CCDC141: variants seen among roughly 807,000 people sequenced by gnomAD.
CCDC141 encodes coiled-coil domain containing 141.
Under a neutral mutation model 181.0 loss-of-function variants are expected in CCDC141, and 168 were observed. The observed-to-expected ratio is 0.93, with a 90% CI of 0.82 to 1.05. CCDC141 has a LOEUF of 1.05. CCDC141 is among the 50% of genes least tolerant of loss of function. The pLI is 0.00. For synonymous variants in CCDC141, 666 were observed against 642.3 expected, an observed-to-expected ratio of 1.04 and a Z score of -0.56; for missense variants, 1,902 against 1,788.5, an observed-to-expected ratio of 1.06 and a Z score of -1.14.
At chr2:178,961,121 A>G in intron 5 of CCDC141, 109 bp downstream of exon 5, 2 of 1,248,752 alleles carry the variant, frequency 1.6e-6, no homozygotes. Context: ...TGGACCAAAG[A>G]CCAAAAGATT....
At chr2:178,882,189 T>C (rs1163770450) in intron 11 of CCDC141, among the ~76,000 whole-genome samples, 1 of 151,914 alleles carries the variant, frequency 6.6e-6, no homozygotes, top group Non-Finnish European at 1.5e-5. Context: ...CTGACCAACA[T>C]GGAGAAACCC....
rs2042416521 is a variant in CCDC141 at position 179,015,105 on chromosome 2, A to ACATATATATATAT, written c.225+32178_225+32179insATATATATATATG. Among the ~76,000 whole-genome samples the ACATATATATATAT allele has an allele frequency of 1.5e-3, 33 of 21,360 alleles. 1 individual carries two copies. The highest frequency in any genetic ancestry group is 3.4e-3 in the African/African-American group (31 of 9,000). The allele number at this position is 21,360 out of a possible 152,430, so 14.0% of individuals were successfully genotyped here. On this transcript the variant is annotated intron_variant, in intron 2 of 23. Transcript: ENST00000443758. ...ATATATATATATATATATATATATAATATATATATAATCATATATATATAT... is the reference window on the plus strand; with the variant it reads ...ATATATATATATATATATATATATAACATATATATATATTATATATATAATCATATATATATAT...
intron 2 of CCDC141, among the ~76,000 whole-genome samples, chr2:179,013,527 T>C (rs889100811): frequency 6.6e-6 from 1 of 152,008 alleles, no homozygotes; most frequent in Admixed American, 6.5e-5. Flanking sequence ...ATTGTGAAAA[T>C]GATCATACTG....
At chr2:178,900,055 T>C (rs1159252922) in intron 8 of CCDC141, among the ~76,000 whole-genome samples, 1 of 152,182 alleles carries the variant, frequency 6.6e-6, no homozygotes, top group Non-Finnish European at 1.5e-5. Context: ...GAAACAATTT[T>C]ATTTTATCTT....
At chr2:178,960,456 CAGG>C (rs1048132365) in intron 5 of CCDC141, among the ~76,000 whole-genome samples, 8 of 152,082 alleles carry the variant, frequency 5.3e-5, no homozygotes, top group African/African-American at 7.2e-5. Flanking sequence ...GTATCTAGGC[CAGG>C]AGACCTCCCT....
chr2:178,984,256 A>G (rs1352471427), intron 2 of CCDC141, among the ~76,000 whole-genome samples: 1 of 149,430 alleles, frequency 6.7e-6, no homozygotes, highest in Non-Finnish European at 1.5e-5. Context: ...TTTACAGACA[A>G]GCAAATGCTG....
At chr2:179,043,627 C>T (rs1009847779) in intron 2 of CCDC141, among the ~76,000 whole-genome samples, 10 of 152,116 alleles carry the variant, frequency 6.6e-5, no homozygotes, top group African/African-American at 1.4e-4. Flanking sequence ...ATTCAACATC[C>T]CTTCATGTTA....
rs540080617 is a variant in CCDC141 at position 178,832,165 on chromosome 2, T to C, written c.*2008A>G. 5.3e-5 allele frequency: 8 copies of C among 152,268 alleles called. No homozygotes were observed. The highest frequency in any genetic ancestry group is 1.9e-4 in the African/African-American group (8 of 41,570). The allele number at this position is 152,268 out of a possible 1,614,324, so 9.4% of individuals were successfully genotyped here. On this transcript the variant is annotated 3_prime_UTR_variant, in exon 24 of 24. Transcript: ENST00000443758. ...ATGAATAGGTTTTTACTCTTTAGCT[T>C]CAACGTGGGCAACAGCAGTTAGGCA...
intron 2 of CCDC141, among the ~76,000 whole-genome samples, chr2:178,993,425 C>T (rs966917614): frequency 2.0e-5 from 3 of 152,090 alleles, no homozygotes; most frequent in Non-Finnish European, 4.4e-5. Context: ...ACGGAAACTC[C>T]CATTTTTAAA....
chr2:178,900,580 T>A (rs1316202429), intron 8 of CCDC141, among the ~76,000 whole-genome samples: 1 of 152,158 alleles, frequency 6.6e-6, no homozygotes, highest in Non-Finnish European at 1.5e-5. Context: ...AATAAACGTA[T>A]CAGCCATTAC....
chr2:178,982,541 C>T (rs954127290), intron 2 of CCDC141, among the ~76,000 whole-genome samples: 1 of 152,210 alleles, frequency 6.6e-6, no homozygotes. Flanking sequence ...TTCTGCATTT[C>T]CATCTGAGGT....
At position 179,011,277 on chromosome 2, in the gene CCDC141, A is replaced by C. The variant is rs186351745; in HGVS notation, c.226-32602T>G. 6.0e-4 allele frequency among the ~76,000 whole-genome samples: 91 copies of C among 152,320 alleles called. 1 individual carries two copies. Among genetic ancestry groups the C allele is most frequent in the African/African-American group, 2.0e-3 (85 of 41,590 alleles). On this transcript the variant is annotated intron_variant, in intron 2 of 23. Transcript: ENST00000443758. The stretch of plus-strand genomic sequence containing the variant: ...CACGTAAACTTAAAGTGTTGGAAAA[A>C]GGCATTTCATGCAAATGGACACCAA...
At chr2:178,988,613 T>A (rs1691876655) in intron 2 of CCDC141, among the ~76,000 whole-genome samples, 1 of 152,134 alleles carries the variant, frequency 6.6e-6, no homozygotes, top group African/African-American at 2.4e-5. Flanking sequence ...GTAATCAATA[T>A]AAAAATTTTA....
chr2:179,019,772 T>A (rs939356615), intron 2 of CCDC141, among the ~76,000 whole-genome samples: 7 of 152,108 alleles, frequency 4.6e-5, no homozygotes, highest in Non-Finnish European at 1.0e-4. Context: ...TTATTTATTT[T>A]ATTCATTTTA....
At chr2:178,990,162 GAAAA>G (rs1691980301) in intron 2 of CCDC141, among the ~76,000 whole-genome samples, 1 of 145,452 alleles carries the variant, frequency 6.9e-6, no homozygotes, top group Admixed American at 6.9e-5. Flanking sequence ...AAGAAAGAAA[GAAAA>G]GAGAAAAATA....
chr2:178,869,185 T>C lies in CCDC141; in HGVS notation c.2326A>G (p.Lys776Glu). The C allele has an allele frequency of 6.2e-7, 1 of 1,613,658 alleles. No individual in the cohort carries two copies. The highest frequency in any genetic ancestry group is 8.5e-7 in the Non-Finnish European group (1 of 1,179,812). Reference protein sequence around the residue: ...KDLIHFHQKQKERIQDYEDIL... With the variant: ...KDLIHFHQKQEERIQDYEDIL... ...TCCTCGTAATCCTGGATTCTCTCTT[T>C]CTGTTTTTGATGGAAGTGAATAAGG... The change falls in exon 15 of 24, where the codon AAA becomes GAA. Residue 776 changes from lysine to glutamate, a missense_variant. By Grantham distance (56) the Lys-to-Glu change is moderately conservative. Coordinates refer to ENST00000443758, the MANE Select transcript of CCDC141 (RefSeq NM_173648.4).
At chr2:179,023,041 G>A (rs964196165) in intron 2 of CCDC141, among the ~76,000 whole-genome samples, 76 of 152,210 alleles carry the variant, frequency 5.0e-4, no homozygotes, top group African/African-American at 1.5e-3. Context: ...ATGGGGAATC[G>A]CACAAAGGCA....
At position 178,884,911 on chromosome 2, in the gene CCDC141, G is replaced by T; in HGVS notation, c.1709C>A (p.Ser570Ter). Residue 570 changes from serine (S) to a stop codon, truncating the protein, a stop_gained, in exon 11 of 24, where the codon TCA becomes TAA. Transcript: ENST00000443758. LOFTEE classifies it high-confidence loss of function. ...VLQTYVAFLK[S>*]SEEVEMQFQS... ...CACATAGTACCATACCTCCTCTGAT[G>T]ACTTCAGAAATGCCACGTAAGTTTG... The T allele has an allele frequency of 6.5e-7, 1 of 1,550,190 alleles. No homozygotes were observed. The highest frequency in any genetic ancestry group is 1.2e-5 in the South Asian group (1 of 83,980).
intron 20 of CCDC141, 82 bp from the exon 21 acceptor site, chr2:178,850,243 G>C: frequency 1.4e-6 from 1 of 723,522 alleles, no homozygotes; most frequent in East Asian, 2.6e-5. Context: ...TCATCTCCCT[G>C]TCCAGTGTAA....
Sources: gnomAD v4.1 joint callset for allele counts (sites outside exome capture counted in the v4.1 genomes callset) on GRCh38, gnomAD v4.1.1 for gene constraint, MANE v1.5 for transcripts, NCBI Gene and HGNC (gene_info 2026-07-23, HGNC 2026-07-21) for gene names.